DOCK9: variants seen among roughly 807,000 people sequenced by gnomAD.
The protein encoded by DOCK9 is dedicator of cytokinesis protein 9.
In DOCK9, 89 loss-of-function variants were observed where a neutral mutation model predicts 263.3. The ratio of observed to expected loss-of-function variants is 0.34; its 90% CI spans 0.28 to 0.40. The LOEUF is 0.40. DOCK9 is among the 10% of genes least tolerant of loss of function. The pLI, the probability that DOCK9 is intolerant of heterozygous loss-of-function variation, is 1.00. For missense variants in DOCK9, 2,140 were observed against 2,603.4 expected (o/e 0.82, Z 3.87); for synonymous variants, 976 against 973.1 (o/e 1.00, Z -0.06).
chr13:99,032,445 C>T (rs940581282), intron 1 of DOCK9, among the ~76,000 whole-genome samples: 2 of 149,772 alleles, frequency 1.3e-5, no homozygotes, highest in East Asian at 2.0e-4. Flanking sequence ...CACTGCACTC[C>T]ACACTTCAGC....
intron 49 of DOCK9, among the ~76,000 whole-genome samples, chr13:98,803,886 T>G (rs189635664): frequency 6.6e-6 from 1 of 152,046 alleles, no homozygotes; most frequent in Non-Finnish European, 1.5e-5. Flanking sequence ...TCATAGGGAG[T>G]GTGAAAAGCT....
chr13:98,977,708 G>A (rs1595794115), intron 1 of DOCK9, 76 bp downstream of exon 1: 8 of 1,318,596 alleles, frequency 6.1e-6, no homozygotes, highest in South Asian at 2.9e-5. Flanking sequence ...GGCAACAGGC[G>A]TCAACCCCGT....
chr13:98,823,708 C>A (rs552839539), intron 45 of DOCK9, among the ~76,000 whole-genome samples: 7 of 152,328 alleles, frequency 4.6e-5, no homozygotes, highest in African/African-American at 1.7e-4. Flanking sequence ...TGAATGCCAG[C>A]AGAAAACTGG....
Position 99,065,247 on chromosome 13 carries a change from A to G in DOCK9, c.129+20976T>C, listed in dbSNP as rs537957666. Among the ~76,000 whole-genome samples, 3 of 152,248 alleles carry G rather than the reference A, an allele frequency of 2.0e-5. No homozygotes were observed. The South Asian group carries it at 6.2e-4, about 32-fold the overall frequency. On this transcript the variant is annotated intron_variant, in intron 1 of 32. Transcript: ENST00000427887. Reference sequence around the variant, plus strand: ...ATACACATCAGCTTAGTCCCAAAATACTTCTTACACATAACTTACACATTA... The same window carrying G: ...ATACACATCAGCTTAGTCCCAAAATGCTTCTTACACATAACTTACACATTA...
At chr13:98,949,909 C>T (rs1471970619) in intron 2 of DOCK9, 11 of 474,952 alleles carry the variant, frequency 2.3e-5, no homozygotes, top group Non-Finnish European at 4.5e-5. Flanking sequence ...AGGCAAATGA[C>T]ACCAAACTCC....
At chr13:99,015,343 A>G (rs1476409125) in intron 1 of DOCK9, 9 of 1,005,942 alleles carry the variant, frequency 8.9e-6, no homozygotes, top group Non-Finnish European at 1.2e-5. Flanking sequence ...CACACAGACT[A>G]CATACATATA....
chr13:99,019,129 C>T (rs1471544276), intron 1 of DOCK9, among the ~76,000 whole-genome samples: 1 of 152,092 alleles, frequency 6.6e-6, no homozygotes, highest in Non-Finnish European at 1.5e-5. Flanking sequence ...AGAAGCCAGG[C>T]ACCAAAGACC....
At chr13:99,074,311 G>A (rs2105425) in intron 1 of DOCK9, among the ~76,000 whole-genome samples, 96,715 of 152,128 alleles carry the variant, frequency 0.64, 31,238 homozygotes, top group East Asian at 0.9. Flanking sequence ...TCCTAGGAGC[G>A]CTTCCAGGAT....
Position 98,915,447 on chromosome 13 carries a change from A to G in DOCK9, c.774T>C (p.Tyr258=), listed in dbSNP as rs756530330. The change falls in exon 8 of 53, where the codon TAT becomes TAC. Residue 258 remains tyrosine (Y), a synonymous_variant. Transcript: ENST00000682017. ...FELKMQDKSS[Y]LLAADSEVEM... The stretch of plus-strand genomic sequence containing the variant: ...CCACTTCACTGTCTGCTGCCAAGAG[A>G]TAACTACTTTTGTCCTGCATCTTGA... 2.5e-6 allele frequency: 4 copies of G among 1,613,846 alleles called. No individual in the cohort carries two copies. Among genetic ancestry groups the G allele is most frequent in the African/African-American group, 2.7e-5 (2 of 74,932 alleles).
chr13:99,057,904 G>A (rs765600043), intron 1 of DOCK9, among the ~76,000 whole-genome samples: 21 of 152,080 alleles, frequency 1.4e-4, no homozygotes, highest in Admixed American at 1.2e-3. Flanking sequence ...ATAATACACT[G>A]TAATTCTGTT....
chr13:98,971,777 C>T (rs1327291886), intron 1 of DOCK9, among the ~76,000 whole-genome samples: 10 of 152,170 alleles, frequency 6.6e-5, no homozygotes, highest in Non-Finnish European at 1.2e-4. Context: ...GTCTATGCTC[C>T]TATGTAACTT....
intron 1 of DOCK9, among the ~76,000 whole-genome samples, chr13:99,073,357 C>G (rs1309539983): frequency 8.9e-6 from 1 of 112,736 alleles, no homozygotes; most frequent in Non-Finnish European, 2.0e-5. Context: ...TCTTCTTCTT[C>G]TTTTCTCTCT....
At position 98,884,989 on chromosome 13, in the gene DOCK9, C is replaced by A; in HGVS notation, c.2364G>T (p.Gln788His). ...ANLPSGYLGYQELGMGRHYGP... is the reference protein window; with the variant it reads ...ANLPSGYLGYHELGMGRHYGP... The stretch of plus-strand genomic sequence containing the variant: ...GACATACCCTGCCCATCCCAAGCTC[C>A]TGGTAGCCAAGATAGCCCGAAGGAA... The change falls in exon 21 of 53, where the codon CAG (glutamine) becomes CAT (histidine). Residue 788 changes from glutamine (Q) to histidine (H), a missense_variant. Gln to His is a conservative substitution (Grantham distance 24, BLOSUM62 0). Coordinates refer to ENST00000682017, the MANE Select transcript of DOCK9 (RefSeq NM_001366683.2). The A allele has an allele frequency of 6.2e-7, 1 of 1,613,616 alleles. No individual in the cohort carries two copies. Among genetic ancestry groups the A allele is most frequent in the Non-Finnish European group, 8.5e-7 (1 of 1,179,760 alleles).
Position 98,898,204 on chromosome 13 carries a change from T to G in DOCK9, c.1561A>C (p.Arg521=), listed in dbSNP as rs888252670. ...KQACQRLGQY[R]MPFAWAARTL... is the part of the protein sequence containing the mutation. ...CTTGCTGCCCAAGCAAATGGCATTC[T>G]ATACTGTCCTAGTCTTTGGCATGCC... The change falls in exon 14 of 53, where the codon AGA becomes CGA. Residue 521 remains arginine, a synonymous_variant. Transcript: ENST00000682017. The G allele has an allele frequency of 6.2e-7, 1 of 1,611,886 alleles. No individual in the cohort carries two copies. Among genetic ancestry groups the G allele is most frequent in the Non-Finnish European group, 8.5e-7 (1 of 1,179,066 alleles).
At chr13:98,851,468 C>T (rs1245321327) in intron 35 of DOCK9, among the ~76,000 whole-genome samples, 1 of 152,164 alleles carries the variant, frequency 6.6e-6, no homozygotes, top group Non-Finnish European at 1.5e-5. Flanking sequence ...CCTGCAGACC[C>T]CTGTGGCCAC....
chr13:98,994,153 T>A (rs563341267), intron 1 of DOCK9, among the ~76,000 whole-genome samples: 5 of 152,314 alleles, frequency 3.3e-5, no homozygotes, highest in African/African-American at 1.2e-4. Context: ...CTACTGCAGG[T>A]GAAGGGCTGT....
intron 1 of DOCK9, among the ~76,000 whole-genome samples, chr13:99,083,125 C>T (rs1254696364): frequency 6.6e-6 from 1 of 152,050 alleles, no homozygotes; most frequent in Non-Finnish European, 1.5e-5. Context: ...CATGGTAGAA[C>T]ACACCTGTAA....
intron 1 of DOCK9, among the ~76,000 whole-genome samples, chr13:99,071,306 CTTTTTTT>C (rs71114578): frequency 8.7e-4 from 43 of 49,326 alleles, no homozygotes; most frequent in South Asian, 4.5e-3. Context: ...CCATGCCTGG[CTTTTTTT>C]TTTTTTTTTT....
chr13:99,085,866 CG>C (rs1440876960), intron 1 of DOCK9, among the ~76,000 whole-genome samples: 1 of 17,904 alleles, frequency 5.6e-5, no homozygotes, highest in African/African-American at 2.2e-4. Context: ...GGGAGGGATG[CG>C]GGGGAGGGGG....
Sources: gnomAD v4.1 joint callset for allele counts (sites outside exome capture counted in the v4.1 genomes callset) on GRCh38, gnomAD v4.1.1 for gene constraint, MANE v1.5 for transcripts, NCBI Gene and HGNC (gene_info 2026-07-23, HGNC 2026-07-21) for gene names.